Variants in ZNF57 observed in about 807,000 individuals in gnomAD.
ZNF57 encodes the protein zinc finger protein 424.
Under a neutral mutation model 13.4 loss-of-function variants are expected in ZNF57, and 11 were observed. The observed-to-expected ratio is 0.82, with a 90% CI of 0.52 to 1.36. The LOEUF is 1.36. Ranked by LOEUF, ZNF57 falls within the 40% of genes most tolerant of loss-of-function variation. ZNF57 has a pLI of 0.00. For synonymous variants in ZNF57, 224 were observed against 238.5 expected, an observed-to-expected ratio of 0.94 and a Z score of 0.56; for missense variants, 696 against 667.5, an observed-to-expected ratio of 1.04 and a Z score of -0.47.
In ZNF57 at chr19:2,905,406, C is replaced by CCG. The variant is rs1491468567; in HGVS notation, c.3+4358_3+4359insCG. ...TCTCGAACTCTTGACTTCAGGTGAT[C>CCG]GCCCCCCCCCCCTCGGCATTCCAAA... On this transcript the variant is annotated intron_variant, in intron 1 of 3. Transcript: ENST00000306908. 4.9e-3 allele frequency among the ~76,000 whole-genome samples: 22 copies of CCG among 4,474 alleles called. 7 individuals are homozygous for CCG. 2.9% of individuals were successfully genotyped at this position (4,474 alleles called of 152,430 possible). A position where few individuals can be genotyped will look rare whatever the true frequency, so the allele number is the denominator to read the frequency against.
In ZNF57 at chr19:2,917,359, C is replaced by T. The variant is rs1057143865; in HGVS notation, c.738C>T (p.His246=). The T allele has an allele frequency of 1.2e-6, 2 of 1,614,090 alleles. No homozygotes were observed. Among genetic ancestry groups the T allele is most frequent in the African/African-American group, 2.7e-5 (2 of 74,936 alleles). Residue 246 remains histidine (H), a synonymous_variant, in exon 4 of 4, where the codon CAC becomes CAT. Transcript: ENST00000306908. The part of the protein sequence containing the change: ...FASFTRHVRT[H]TKDRPYKCQE... ...GCTTCACTAGACATGTGAGAACTCA[C>T]ACAAAAGACAGGCCATATAAATGTC...
intron 1 of ZNF57, among the ~76,000 whole-genome samples, chr19:2,909,279 T>A (rs1186689294): frequency 4.1e-5 from 5 of 121,070 alleles, no homozygotes; most frequent in Admixed American, 1.9e-4. Flanking sequence ...TTATTTATTT[T>A]TGTTTTTTTT....
At chr19:2,909,019 T>A (rs1232934024) in intron 1 of ZNF57, among the ~76,000 whole-genome samples, 1 of 152,178 alleles carries the variant, frequency 6.6e-6, no homozygotes, top group Non-Finnish European at 1.5e-5. Context: ...CATTCATGTT[T>A]TAGCCTGTTA....
intron 1 of ZNF57, among the ~76,000 whole-genome samples, chr19:2,908,464 T>TTTTG (rs1459332925): frequency 6.8e-6 from 1 of 146,554 alleles, no homozygotes; most frequent in Non-Finnish European, 1.5e-5. Flanking sequence ...TTTTTTGGTT[T>TTTTG]TTTTTTTTTT....
intron 1 of ZNF57, 112 bp from the exon 2 acceptor site, chr19:2,915,410 A>G: frequency 7.2e-7 from 1 of 1,390,308 alleles, no homozygotes; most frequent in Non-Finnish European, 9.8e-7. Flanking sequence ...TTCGCGTCAT[A>G]GAGGAGGTGT....
rs62125395 is a variant in ZNF57 at position 2,913,115 on chromosome 19, A to G, written c.4-2407A>G. On this transcript the variant is annotated intron_variant, in intron 1 of 3. Coordinates refer to ENST00000306908, the MANE Select transcript of ZNF57 (RefSeq NM_173480.3). ...ATTACAGGCATCCGCCACCACGCCC[A>G]GCTAATTTTTGTGTTTTTAGTAGAG... Among the ~76,000 whole-genome samples the G allele has an allele frequency of 5.3e-5, 8 of 152,150 alleles. No homozygotes were observed. The South Asian group carries it at 1.0e-3, about 20-fold the overall frequency.
chr19:2,918,359 C>T lies in ZNF57; in HGVS notation c.*70C>T, dbSNP rs2088236655. 2.0e-6 allele frequency: 3 copies of T among 1,463,880 alleles called. No individual in the cohort carries two copies. The highest frequency in any genetic ancestry group is 9.2e-7 in the Non-Finnish European group (1 of 1,092,110). 90.7% of individuals were successfully genotyped at this position (1,463,880 alleles called of 1,614,324 possible). A position where few individuals can be genotyped will look rare whatever the true frequency, so the allele number is the denominator to read the frequency against. On this transcript the variant is annotated 3_prime_UTR_variant, in exon 4 of 4. Coordinates refer to ENST00000306908, the MANE Select transcript of ZNF57 (RefSeq NM_173480.3). ...TGTATAATGCTCCAGAAAATTCACA[C>T]CAGGAGAGAAATCTTACAAGTATGA...
At chr19:2,914,070 C>G (rs2088166331) in intron 1 of ZNF57, among the ~76,000 whole-genome samples, 1 of 152,198 alleles carries the variant, frequency 6.6e-6, no homozygotes, top group Non-Finnish European at 1.5e-5. Flanking sequence ...GTTCAGTGTT[C>G]TGCAGATGTC....
At chr19:2,904,522 T>A (rs1452017405) in intron 1 of ZNF57, among the ~76,000 whole-genome samples, 2 of 152,000 alleles carry the variant, frequency 1.3e-5, no homozygotes, top group Admixed American at 1.3e-4. Flanking sequence ...TTTTTTTGTT[T>A]GTTTCTTTGT....
At chr19:2,908,638 C>T (rs941611492) in intron 1 of ZNF57, among the ~76,000 whole-genome samples, 6 of 151,800 alleles carry the variant, frequency 4.0e-5, no homozygotes, top group Non-Finnish European at 2.9e-5. Flanking sequence ...CTCCTGACCT[C>T]GTGATCCGCC....
chr19:2,913,082 T>C (rs1265364270), intron 1 of ZNF57, among the ~76,000 whole-genome samples: 1 of 152,114 alleles, frequency 6.6e-6, no homozygotes, highest in African/African-American at 2.4e-5. Flanking sequence ...GCCTCCTGAG[T>C]AGCTGGGATT....
At chr19:2,906,499 T>C (rs1309721973) in intron 1 of ZNF57, among the ~76,000 whole-genome samples, 3 of 152,236 alleles carry the variant, frequency 2.0e-5, no homozygotes, top group Non-Finnish European at 2.9e-5. Context: ...ATGTTGATTA[T>C]TCTGTTGTCA....
At chr19:2,915,862 T>A (rs1233086236) in intron 2 of ZNF57, 1 of 950,466 alleles carries the variant, frequency 1.1e-6, no homozygotes, top group Non-Finnish European at 1.6e-6. Flanking sequence ...GTTCCTTTAG[T>A]GTCATTAGTA....
Position 2,917,065 on chromosome 19 carries a change from C to G in ZNF57, c.444C>G (p.Val148=). The change falls in exon 4 of 4, where the codon GTC becomes GTG. Residue 148 remains valine, a synonymous_variant. Transcript: ENST00000306908. ...KPYECTKCRT[V]FTHLSSLKRH... ...ATGAATGCACCAAGTGCAGGACAGT[C>G]TTCACGCATCTTTCTTCTCTTAAAA... 2.5e-6 allele frequency: 4 copies of G among 1,614,216 alleles called. No individual in the cohort carries two copies. Among genetic ancestry groups the G allele is most frequent in the Non-Finnish European group, 2.5e-6 (3 of 1,180,034 alleles).
rs527861108 is a variant in ZNF57 at position 2,918,379 on chromosome 19, G to T, written c.*90G>T. 2.5e-5 allele frequency: 35 copies of T among 1,380,206 alleles called. No homozygotes were observed. In the South Asian group the frequency reaches 3.2e-4, roughly 12 times the overall value. 85.5% of individuals were successfully genotyped at this position (1,380,206 alleles called of 1,614,324 possible). A position where few individuals can be genotyped will look rare whatever the true frequency, so the allele number is the denominator to read the frequency against. ...TCACACCAGGAGAGAAATCTTACAA[G>T]TATGATATTGTCTTTGTCAATACCT... On this transcript the variant is annotated 3_prime_UTR_variant, in exon 4 of 4. Coordinates refer to ENST00000306908, the MANE Select transcript of ZNF57 (RefSeq NM_173480.3).
At position 2,901,137 on chromosome 19, in the gene ZNF57, T is replaced by C. The variant is rs991256163; in HGVS notation, c.3+89T>C. 4.1e-6 allele frequency: 6 copies of C among 1,446,568 alleles called. No homozygotes were observed. The African/African-American group carries it at 5.9e-5, about 14-fold the overall frequency. 89.6% of individuals were successfully genotyped at this position (1,446,568 alleles called of 1,614,324 possible). On this transcript the variant is annotated intron_variant, in intron 1 of 3. Transcript: ENST00000306908. ...AGTCCGCCGAAGTCTGCGGCCGGGA[T>C]TGGCTGAGGGACGCGCGGGGCGGCG...
intron 1 of ZNF57, among the ~76,000 whole-genome samples, chr19:2,909,364 T>G (rs74178412): frequency 1.5e-5 from 1 of 67,764 alleles, no homozygotes; most frequent in Non-Finnish European, 3.4e-5. Context: ...CACTGCAAGC[T>G]CTGCCTCCTG....
At chr19:2,904,606 A>G (rs61209896) in intron 1 of ZNF57, among the ~76,000 whole-genome samples, 4,560 of 152,200 alleles carry the variant, frequency 0.03, 104 homozygotes, top group Middle Eastern at 0.1. Flanking sequence ...CAGTGGCACC[A>G]TCTCGGCTCA....
chr19:2,905,474 A>G (rs2088066732), intron 1 of ZNF57, among the ~76,000 whole-genome samples: 1 of 129,946 alleles, frequency 7.7e-6, no homozygotes, highest in East Asian at 2.4e-4. Context: ...TGGCCCTCCT[A>G]ATTATGATTG....
Sources: gnomAD v4.1 joint callset for allele counts (sites outside exome capture counted in the v4.1 genomes callset) on GRCh38, gnomAD v4.1.1 for gene constraint, MANE v1.5 for transcripts, NCBI Gene and HGNC (gene_info 2026-07-23, HGNC 2026-07-21) for gene names.